ITGB6: variants seen among roughly 807,000 people sequenced by gnomAD.
ITGB6 encodes the protein integrin beta-6.
In ITGB6, 80 loss-of-function variants were observed where a neutral mutation model predicts 84.5. The ratio of observed to expected loss-of-function variants is 0.95; its 90% CI spans 0.79 to 1.14. The LOEUF is 1.14. Ranked by LOEUF, ITGB6 falls within the 50% of genes most tolerant of loss-of-function variation. ITGB6 has a pLI of 0.00. For synonymous variants in ITGB6, 383 were observed against 354.9 expected, an observed-to-expected ratio of 1.08 and a Z score of -0.89; for missense variants, 1,006 against 968.0, an observed-to-expected ratio of 1.04 and a Z score of -0.52.
intron 7 of ITGB6, among the ~76,000 whole-genome samples, chr2:160,161,407 C>T (rs1021175302): frequency 9.2e-5 from 14 of 152,208 alleles, no homozygotes; most frequent in Non-Finnish European, 1.9e-4. Flanking sequence ...TCTCCTGCCT[C>T]AGCCTCCCAA....
At chr2:160,158,065 T>A (rs1295651094) in intron 7 of ITGB6, among the ~76,000 whole-genome samples, 1 of 152,142 alleles carries the variant, frequency 6.6e-6, no homozygotes, top group Non-Finnish European at 1.5e-5. Context: ...AAAAAGAACA[T>A]GTAATTGTTC....
chr2:160,116,825 C>A (rs898182394), intron 12 of ITGB6, among the ~76,000 whole-genome samples: 3 of 151,638 alleles, frequency 2.0e-5, no homozygotes, highest in Non-Finnish European at 2.9e-5. Context: ...GAAGATCTAC[C>A]AAGCAAATGG....
At chr2:160,175,443 C>T (rs1685381586) in intron 4 of ITGB6, among the ~76,000 whole-genome samples, 1 of 152,236 alleles carries the variant, frequency 6.6e-6, no homozygotes, top group Non-Finnish European at 1.5e-5. Context: ...TATGCACATT[C>T]CCAACTGGAA....
intron 10 of ITGB6, among the ~76,000 whole-genome samples, chr2:160,136,475 TTG>T (rs1437588683): frequency 4.6e-5 from 7 of 152,158 alleles, no homozygotes; most frequent in African/African-American, 1.7e-4. Flanking sequence ...AGTTCAACCA[TTG>T]TGGAAGTCAG....
At chr2:160,161,554 G>A (rs1684815633) in intron 7 of ITGB6, among the ~76,000 whole-genome samples, 1 of 152,144 alleles carries the variant, frequency 6.6e-6, no homozygotes. Flanking sequence ...GCCTTCCAAA[G>A]TGCTGGGATC....
At chr2:160,197,185 A>G (rs893574217) in intron 2 of ITGB6, among the ~76,000 whole-genome samples, 6 of 152,140 alleles carry the variant, frequency 3.9e-5, no homozygotes, top group Non-Finnish European at 5.9e-5. Flanking sequence ...AGTCCCAGCT[A>G]CTTGGGAGGC....
At chr2:160,119,344 C>G (rs1682928336) in intron 12 of ITGB6, among the ~76,000 whole-genome samples, 1 of 152,022 alleles carries the variant, frequency 6.6e-6, no homozygotes, top group Non-Finnish European at 1.5e-5. Flanking sequence ...TAGAACAGAG[C>G]CCTCAGAAAT....
At chr2:160,144,441 AAG>A (rs1389853473) in intron 7 of ITGB6, among the ~76,000 whole-genome samples, 1 of 152,176 alleles carries the variant, frequency 6.6e-6, no homozygotes, top group Non-Finnish European at 1.5e-5. Flanking sequence ...AAGGGCTGTG[AAG>A]CATGTGACAT....
chr2:160,138,025 C>T (rs746940235), intron 9 of ITGB6, 40 bp downstream of exon 9: 10 of 1,579,652 alleles, frequency 6.3e-6, no homozygotes, highest in Non-Finnish European at 7.7e-6. Flanking sequence ...TCTGACCCAT[C>T]CAGGTATTTA....
At chr2:160,119,671 C>T (rs1205418568) in intron 12 of ITGB6, among the ~76,000 whole-genome samples, 2 of 152,050 alleles carry the variant, frequency 1.3e-5, no homozygotes, top group African/African-American at 4.8e-5. Flanking sequence ...CAAATGGGAT[C>T]TAATTAAACT....
intron 10 of ITGB6, among the ~76,000 whole-genome samples, chr2:160,130,746 G>A (rs1335266915): frequency 3.9e-5 from 6 of 152,186 alleles, no homozygotes; most frequent in African/African-American, 1.4e-4. Context: ...CTCAACAAAA[G>A]GGGAAACTTA....
chr2:160,195,488 C>T lies in ITGB6; in HGVS notation c.474G>A (p.Arg158=). Reference sequence around the variant, plus strand: ...TTAATTTAGACATCTCTTTGGAAAGCCGGGAGCCCAGCTCCTTTATTGTGT... The same window carrying T: ...TTAATTTAGACATCTCTTTGGAAAGTCGGGAGCCCAGCTCCTTTATTGTGT... ...DLNTIKELGS[R]LSKEMSKLTS... Residue 158 remains arginine, a synonymous_variant, in exon 4 of 15, where the codon CGG becomes CGA. Coordinates refer to ENST00000283249, the MANE Select transcript of ITGB6 (RefSeq NM_000888.5). The T allele has an allele frequency of 6.2e-7, 1 of 1,614,160 alleles. No individual in the cohort carries two copies. The highest frequency in any genetic ancestry group is 8.5e-7 in the Non-Finnish European group (1 of 1,180,008).
intron 4 of ITGB6, among the ~76,000 whole-genome samples, chr2:160,179,568 T>C (rs1453521826): frequency 6.7e-6 from 1 of 150,246 alleles, no homozygotes; most frequent in African/African-American, 2.4e-5. Context: ...TTTTTTGGTA[T>C]TTTTAGTTGA....
intron 4 of ITGB6, among the ~76,000 whole-genome samples, chr2:160,182,083 C>G (rs1196616364): frequency 6.6e-6 from 1 of 152,196 alleles, no homozygotes; most frequent in African/African-American, 2.4e-5. Context: ...AATGCCTCTT[C>G]TCCTCCAAAG....
chr2:160,103,905 A>T (rs1400140791), intron 14 of ITGB6, among the ~76,000 whole-genome samples: 1 of 152,196 alleles, frequency 6.6e-6, no homozygotes, highest in Non-Finnish European at 1.5e-5. Context: ...ACCCTATATC[A>T]TGTCAAACAT....
intron 4 of ITGB6, among the ~76,000 whole-genome samples, chr2:160,191,558 A>C (rs1686144358): frequency 6.6e-6 from 1 of 152,224 alleles, no homozygotes; most frequent in African/African-American, 2.4e-5. Flanking sequence ...CCACTAGCTA[A>C]CAACATACTT....
intron 12 of ITGB6, among the ~76,000 whole-genome samples, chr2:160,123,189 A>G (rs1683107856): frequency 6.6e-6 from 1 of 152,230 alleles, no homozygotes; most frequent in Non-Finnish European, 1.5e-5. Flanking sequence ...GACAGATGAA[A>G]GCAAGAGAAG....
chr2:160,137,483 G>T lies in ITGB6; in HGVS notation c.1611C>A (p.Cys537Ter). The change falls in exon 10 of 15, where the codon TGC becomes TGA. Residue 537 changes from cysteine to a stop codon, truncating the protein, a stop_gained. Coordinates refer to ENST00000283249, the MANE Select transcript of ITGB6 (RefSeq NM_000888.5). LOFTEE classifies it high-confidence loss of function. ...SPYGNIYGPY[C>*]QCDNFSCVRH... ...TCACGCAGGAGAAATTGTCACACTG[G>T]CAATAAGGCCCATAAATGTTTCCAT... 1 of 1,613,782 alleles carries T rather than the reference G, an allele frequency of 6.2e-7. No individual in the cohort carries two copies.
rs374801905 is a variant in ITGB6, at chr2:160,137,614, C to G, written c.1480G>C (p.Glu494Gln). The change falls in exon 10 of 15, where the codon GAG becomes CAG. Residue 494 changes from glutamate to glutamine, a missense_variant. Glu to Gln is a conservative substitution (Grantham distance 29). Coordinates refer to ENST00000283249, the MANE Select transcript of ITGB6 (RefSeq NM_000888.5). ...GHMGPRCECG[E>Q]DMLSTDSCKE... ...CAGGAATCTGTGCTCAGCATGTCCTCGCCACACTCACAGCGAGGCCCCATG... is the reference window on the plus strand; with the variant it reads ...CAGGAATCTGTGCTCAGCATGTCCTGGCCACACTCACAGCGAGGCCCCATG... 20 of 1,614,206 alleles carry G rather than the reference C, an allele frequency of 1.2e-5. No homozygotes were observed. The Middle Eastern group carries it at 8.2e-4, about 67-fold the overall frequency.
Sources: gnomAD v4.1 joint callset for allele counts (sites outside exome capture counted in the v4.1 genomes callset) on GRCh38, gnomAD v4.1.1 for gene constraint, MANE v1.5 for transcripts, NCBI Gene and HGNC (gene_info 2026-07-23, HGNC 2026-07-21) for gene names.